DTNB: variants seen among roughly 807,000 people sequenced by gnomAD.
DTNB encodes the protein DTN-B.
DTNB carries 63 observed loss-of-function variants against 90.7 expected under a neutral mutation model. The ratio of observed to expected loss-of-function variants is 0.69; its 90% CI spans 0.57 to 0.86. The LOEUF (loss-of-function observed/expected upper bound fraction) is 0.86. Among genes scored for constraint, DTNB ranks in the 40% least tolerant of loss-of-function variants. The pLI is 0.00. For synonymous variants in DTNB, 277 were observed against 286.7 expected (o/e 0.97, Z 0.34); for missense variants, 744 against 807.1 (o/e 0.92, Z 0.95).
chr2:25,477,270 A>T (rs1007106086), intron 10 of DTNB, among the ~76,000 whole-genome samples: 1 of 152,210 alleles, frequency 6.6e-6, no homozygotes, highest in African/African-American at 2.4e-5. Flanking sequence ...TGTATAAGTC[A>T]CTTGATTACA....
Position 25,381,921 on chromosome 2 carries a change from C to T in DTNB, c.1879+1915G>A, listed in dbSNP as rs1321446806. On this transcript the variant is annotated intron_variant, in intron 19 of 20. Coordinates refer to ENST00000406818, the MANE Select transcript of DTNB (RefSeq NM_021907.5). ...CCAGCCCCTATGGGCCAAGAATGCT[C>T]CAGACCCACTGTCCTGTAGGTTTCC... 2.6e-5 allele frequency among the ~76,000 whole-genome samples: 4 copies of T among 152,270 alleles called. No homozygotes were observed. The East Asian group carries it at 5.8e-4, about 22-fold the overall frequency.
intron 12 of DTNB, among the ~76,000 whole-genome samples, chr2:25,440,448 G>A (rs1244760329): frequency 2.0e-5 from 3 of 152,186 alleles, no homozygotes; most frequent in African/African-American, 7.2e-5. Flanking sequence ...TTGTACTCTT[G>A]CATCGTAAGT....
intron 8 of DTNB, among the ~76,000 whole-genome samples, chr2:25,539,123 T>C (rs2080544051): frequency 6.6e-6 from 1 of 152,196 alleles, no homozygotes; most frequent in African/African-American, 2.4e-5. Context: ...ATTGGTTAAT[T>C]ACACTGTAAT....
rs749810991 is a variant in DTNB at position 25,387,357 on chromosome 2, T to C, written c.1757A>G (p.Asn586Ser). 5 of 1,612,284 alleles carry C rather than the reference T, an allele frequency of 3.1e-6. No homozygotes were observed. The South Asian group carries it at 4.4e-5, about 14-fold the overall frequency. The change falls in exon 18 of 21, where the codon AAT (asparagine) becomes AGT (serine). Residue 586 changes from asparagine (N) to serine (S), a missense_variant. By Grantham distance (46) the Asn-to-Ser change is conservative (BLOSUM62 1). Transcript: ENST00000406818. The surrounding 1 kb of genome is among the most constrained non-coding windows in gnomAD (Gnocchi z 4.5). The stretch of plus-strand genomic sequence containing the variant: ...GGAGTCAGCTGCCACCAGCAGGTCA[T>C]TGCGGAGGTTTCTCCTCGTACCTGA... Reference protein sequence around the residue: ...FAQGTRRNLRNDLLVAADSIT... With the variant: ...FAQGTRRNLRSDLLVAADSIT...
intron 8 of DTNB, among the ~76,000 whole-genome samples, chr2:25,566,916 C>G (rs757641474): frequency 1.3e-5 from 2 of 152,084 alleles, no homozygotes; most frequent in Non-Finnish European, 2.9e-5. Context: ...TGGGCTGAGG[C>G]AGGAAGTACA....
intron 2 of DTNB, among the ~76,000 whole-genome samples, chr2:25,649,090 C>T (rs13005467): frequency 0.28 from 41,264 of 149,514 alleles, 6,478 homozygotes; most frequent in Non-Finnish European, 0.37. Flanking sequence ...CTGCAAGCTC[C>T]GCCTCCCAGG....
At chr2:25,602,900 TTAAC>T (rs1305533430) in intron 5 of DTNB, among the ~76,000 whole-genome samples, 2 of 152,174 alleles carry the variant, frequency 1.3e-5, no homozygotes, top group African/African-American at 4.8e-5. Context: ...GTCCCAAAAT[TTAAC>T]TGAGTTCTCA....
intron 1 of DTNB, among the ~76,000 whole-genome samples, chr2:25,669,437 T>C (rs1333572541): frequency 1.3e-5 from 2 of 152,054 alleles, no homozygotes; most frequent in Non-Finnish European, 2.9e-5. Flanking sequence ...AATATATCAT[T>C]AACACCATGA....
chr2:25,465,147 G>C (rs893898261), intron 10 of DTNB, among the ~76,000 whole-genome samples: 1 of 152,148 alleles, frequency 6.6e-6, no homozygotes, highest in Non-Finnish European at 1.5e-5. Context: ...GACCCAGGCA[G>C]GTGGATCACC....
intron 16 of DTNB, among the ~76,000 whole-genome samples, chr2:25,405,751 T>C (rs1387575703): frequency 6.6e-6 from 1 of 152,136 alleles, no homozygotes; most frequent in Non-Finnish European, 1.5e-5. Context: ...TTTAAGAAAA[T>C]GCCTGCTGAC....
chr2:25,497,637 G>A (rs1196455661), intron 9 of DTNB: 4 of 152,324 alleles, frequency 2.6e-5, no homozygotes, highest in Non-Finnish European at 4.4e-5. Flanking sequence ...CAGCTTATAC[G>A]AGGGCAGTTG....
rs1377858541 is a variant in DTNB, at chr2:25,652,583, T to G, written c.67+11A>C. The G allele has an allele frequency of 5.0e-6, 8 of 1,601,118 alleles. No homozygotes were observed. In the South Asian group the frequency reaches 7.8e-5, roughly 16 times the overall value. On this transcript the variant is annotated intron_variant, in intron 2 of 20. Transcript: ENST00000406818. ...CATTCCCGCACATATGAACAAGGAC[T>G]CAAGACTCACGCATTTCTATGAACA...
intron 15 of DTNB, among the ~76,000 whole-genome samples, chr2:25,423,728 C>T (rs1209130414): frequency 6.7e-6 from 1 of 149,688 alleles, no homozygotes; most frequent in Non-Finnish European, 1.5e-5. Context: ...GGTGTGATCT[C>T]GGCTCACTGC....
chr2:25,397,447 C>T (rs1425149355), intron 16 of DTNB, among the ~76,000 whole-genome samples: 4 of 151,818 alleles, frequency 2.6e-5, no homozygotes, highest in Non-Finnish European at 4.4e-5. Flanking sequence ...TATAAAATGT[C>T]CAGAATAGGC....
intron 8 of DTNB, among the ~76,000 whole-genome samples, chr2:25,568,376 C>T (rs1459328975): frequency 6.6e-6 from 1 of 151,492 alleles, no homozygotes; most frequent in African/African-American, 2.4e-5. Flanking sequence ...GAAGGAAGTA[C>T]GCAGGCATGG....
intron 16 of DTNB, among the ~76,000 whole-genome samples, chr2:25,400,934 A>G (rs1483221876): frequency 6.6e-6 from 1 of 152,238 alleles, no homozygotes; most frequent in Non-Finnish European, 1.5e-5. Context: ...TTTTCAAATC[A>G]GCAAAGACCC....
chr2:25,563,885 T>C (rs1313339691), intron 8 of DTNB, among the ~76,000 whole-genome samples: 4 of 151,700 alleles, frequency 2.6e-5, no homozygotes, highest in Non-Finnish European at 5.9e-5. Context: ...TTTGCTATTC[T>C]TTTTTTTTCT....
chr2:25,571,696 T>C (rs970925202), intron 8 of DTNB, among the ~76,000 whole-genome samples: 31 of 152,292 alleles, frequency 2.0e-4, no homozygotes, highest in Non-Finnish European at 4.1e-4. Flanking sequence ...CCCATGCAGG[T>C]TGGCAGAAGG....
intron 16 of DTNB, among the ~76,000 whole-genome samples, chr2:25,390,696 C>T (rs554063440): frequency 2.0e-5 from 3 of 152,232 alleles, no homozygotes; most frequent in Non-Finnish European, 4.4e-5. Flanking sequence ...ATCCACCCGC[C>T]TCGGCCTCCC....
Sources: gnomAD v4.1 joint callset for allele counts (sites outside exome capture counted in the v4.1 genomes callset) on GRCh38, gnomAD v4.1.1 for gene constraint, Gnocchi (gnomAD v3.1) non-coding constraint, MANE v1.5 for transcripts, NCBI Gene and HGNC (gene_info 2026-07-23, HGNC 2026-07-21) for gene names.